Variants in IQGAP2 observed in about 807,000 individuals in gnomAD.
The protein encoded by IQGAP2 is IQ motif containing GTPase activating protein 2, also known as ras GTPase-activating-like protein IQGAP2.
Under a neutral mutation model 201.3 loss-of-function variants are expected in IQGAP2, and 173 were observed. The observed-to-expected ratio is 0.86, with a 90% CI of 0.76 to 0.98. IQGAP2 has a LOEUF of 0.98. Ranked by LOEUF, IQGAP2 falls within the 50% of genes least tolerant of loss-of-function variation. The pLI is 0.00. For synonymous variants in IQGAP2, 675 were observed against 673.9 expected, an observed-to-expected ratio of 1.00 and a Z score of -0.03; for missense variants, 1,687 against 1,864.8, an observed-to-expected ratio of 0.90 and a Z score of 1.76.
Position 76,707,463 on chromosome 5 carries a change from G to A in IQGAP2, c.*150G>A. 1 of 612,366 alleles carries A rather than the reference G, an allele frequency of 1.6e-6. No homozygotes were observed. Among genetic ancestry groups the A allele is most frequent in the Admixed American group, 3.0e-5 (1 of 32,996 alleles). The allele number at this position is 612,366 out of a possible 1,614,324, so 37.9% of individuals were successfully genotyped here. On this transcript the variant is annotated 3_prime_UTR_variant, in exon 36 of 36. Coordinates refer to ENST00000274364, the MANE Select transcript of IQGAP2 (RefSeq NM_006633.5). ...AAAACTGTTCTGAAGAATGTACCCA[G>A]GTGCCTTTTTGCTAATTTGATACTA... is the stretch of plus-strand genomic sequence containing the variant.
At chr5:76,689,740 G>C (rs1231199004) in intron 30 of IQGAP2, among the ~76,000 whole-genome samples, 1 of 152,186 alleles carries the variant, frequency 6.6e-6, no homozygotes, top group African/African-American at 2.4e-5. Context: ...GGTGATATTT[G>C]AGGTCTGGAG....
At chr5:76,507,222 T>G (rs1296330374) in intron 2 of IQGAP2, among the ~76,000 whole-genome samples, 1 of 152,164 alleles carries the variant, frequency 6.6e-6, no homozygotes, top group Non-Finnish European at 1.5e-5. Flanking sequence ...TTAAATATAG[T>G]CAACTGATCT....
At chr5:76,638,706 A>C (rs1751338114) in intron 16 of IQGAP2, among the ~76,000 whole-genome samples, 1 of 152,240 alleles carries the variant, frequency 6.6e-6, no homozygotes, top group Admixed American at 6.5e-5. Flanking sequence ...TGAGAGGAGC[A>C]CTTTGACAAT....
In IQGAP2 at chr5:76,529,629, GAATAATAATAATAATAATAAT is replaced by G. The variant is rs57526049; in HGVS notation, c.147-32739_147-32719del. 9.2e-3 allele frequency among the ~76,000 whole-genome samples: 1,276 copies of G among 139,064 alleles called. 19 individuals carry two copies. Among genetic ancestry groups the G allele is most frequent in the African/African-American group, 0.03 (1,128 of 37,960 alleles). 91.2% of individuals were successfully genotyped at this position (139,064 alleles called of 152,430 possible). A position where few individuals can be genotyped will look rare whatever the true frequency, so the allele number is the denominator to read the frequency against. The stretch of plus-strand genomic sequence containing the variant: ...GGTGACAGACCAAGACTCCCTCTCG[GAATAATAATAATAATAATAAT>G]AATAATAATAATAATAATAATAATA... On this transcript the variant is annotated intron_variant, in intron 2 of 35. Transcript: ENST00000274364.
chr5:76,496,769 CTTTCTTTCTTTCTT>C (rs1756994443), intron 2 of IQGAP2, among the ~76,000 whole-genome samples: 1 of 72,882 alleles, frequency 1.4e-5, no homozygotes, highest in African/African-American at 6.2e-5. Flanking sequence ...TTCTTTCTTT[CTTTCTTTCTTTCTT>C]TCTTTCTTTC....
At chr5:76,550,381 T>C (rs909642975) in intron 2 of IQGAP2, among the ~76,000 whole-genome samples, 1 of 149,216 alleles carries the variant, frequency 6.7e-6, no homozygotes, top group African/African-American at 2.5e-5. Context: ...TTATTGATCA[T>C]TCTTGGGTGT....
chr5:76,642,185 A>T (rs1355751214), intron 17 of IQGAP2, among the ~76,000 whole-genome samples: 1 of 152,168 alleles, frequency 6.6e-6, no homozygotes, highest in Non-Finnish European at 1.5e-5. Context: ...ATCTACACTG[A>T]TGAGACTCTA....
At chr5:76,599,690 C>T (rs941739882) in intron 10 of IQGAP2, among the ~76,000 whole-genome samples, 4 of 151,774 alleles carry the variant, frequency 2.6e-5, no homozygotes, top group African/African-American at 7.3e-5. Flanking sequence ...CAGTTTGCTG[C>T]GAGACTTCTG....
intron 16 of IQGAP2, among the ~76,000 whole-genome samples, chr5:76,638,247 C>T (rs995209512): frequency 2.6e-5 from 4 of 152,096 alleles, no homozygotes; most frequent in South Asian, 2.1e-4. Context: ...GGCATGGTGG[C>T]GGGCACCTGT....
intron 12 of IQGAP2, chr5:76,609,032 A>C (rs1477058871): frequency 1.4e-6 from 2 of 1,452,864 alleles, no homozygotes; most frequent in African/African-American, 1.4e-5. Flanking sequence ...GAAGTGATGC[A>C]TATGTTCCCA....
At chr5:76,445,126 G>C (rs1209413560) in intron 1 of IQGAP2, among the ~76,000 whole-genome samples, 3 of 152,170 alleles carry the variant, frequency 2.0e-5, no homozygotes, top group Admixed American at 6.5e-5. Context: ...TCTTCCAGTG[G>C]CATGTGAGCA....
intron 27 of IQGAP2, among the ~76,000 whole-genome samples, chr5:76,676,107 A>ACACG (rs1744793676): frequency 6.6e-6 from 1 of 151,776 alleles, no homozygotes; most frequent in South Asian, 2.1e-4. Context: ...ACACACACAC[A>ACACG]CACACACACA....
intron 2 of IQGAP2, among the ~76,000 whole-genome samples, chr5:76,486,569 G>C (rs1266318857): frequency 6.6e-6 from 1 of 152,158 alleles, no homozygotes; most frequent in Non-Finnish European, 1.5e-5. Flanking sequence ...AAATAGCGCT[G>C]AAGGCCTGTC....
At position 76,600,763 on chromosome 5, in the gene IQGAP2, A is replaced by G. The variant is rs764515180; in HGVS notation, c.1072-49A>G. On this transcript the variant is annotated intron_variant, in intron 10 of 35. Coordinates refer to ENST00000274364, the MANE Select transcript of IQGAP2 (RefSeq NM_006633.5). ...TGCATTGTAAACCTCCATCATGCAC[A>G]TGAGGTGTGTTGTGTGGGGAGCTTA... 8.1e-5 allele frequency: 130 copies of G among 1,600,140 alleles called. No homozygotes were observed. The East Asian group carries it at 2.7e-3, about 33-fold the overall frequency.
chr5:76,647,415 T>C (rs1181495283), intron 17 of IQGAP2, among the ~76,000 whole-genome samples: 14 of 152,146 alleles, frequency 9.2e-5, no homozygotes, highest in Non-Finnish European at 1.5e-4. Flanking sequence ...TCATCTTGAA[T>C]TGAACTTCCA....
At chr5:76,653,063 A>G (rs1752645258) in intron 18 of IQGAP2, among the ~76,000 whole-genome samples, 1 of 152,230 alleles carries the variant, frequency 6.6e-6, no homozygotes. Context: ...TATGAGAATC[A>G]CAAGTGAAAG....
intron 2 of IQGAP2, among the ~76,000 whole-genome samples, chr5:76,533,496 G>T (rs1176828070): frequency 6.6e-6 from 1 of 151,404 alleles, no homozygotes; most frequent in Non-Finnish European, 1.5e-5. Flanking sequence ...TTCTTTCCAT[G>T]AATTTCCTGT....
chr5:76,534,189 T>G (rs150723546), intron 2 of IQGAP2, among the ~76,000 whole-genome samples: 76 of 152,334 alleles, frequency 5.0e-4, no homozygotes, highest in African/African-American at 1.8e-3. Context: ...ATTTCAACAC[T>G]GTTTGTGGAA....
intron 30 of IQGAP2, among the ~76,000 whole-genome samples, chr5:76,688,152 TTAAC>T (rs1745951286): frequency 6.6e-6 from 1 of 152,194 alleles, no homozygotes; most frequent in African/African-American, 2.4e-5. Context: ...AGAACCAAAT[TTAAC>T]TAAAATCGGA....
Sources: allele counts gnomAD v4.1 joint callset (sites outside exome capture counted in the v4.1 genomes callset), GRCh38; gene constraint gnomAD v4.1.1; transcripts MANE v1.5; gene names NCBI Gene and HGNC (gene_info 2026-07-23, HGNC 2026-07-21).